CELF4: variants seen among roughly 807,000 people sequenced by gnomAD.
CELF4 encodes CUG-BP- and ETR-3-like factor 4.
Under a neutral mutation model 59.9 loss-of-function variants are expected in CELF4, and 18 were observed. The ratio of observed to expected loss-of-function variants is 0.30; its 90% CI spans 0.21 to 0.45. The LOEUF (loss-of-function observed/expected upper bound fraction) is 0.45, where lower values mean the gene tolerates loss of function less well. Among genes scored for constraint, CELF4 ranks in the 20% least tolerant of loss-of-function variants. The pLI is 1.00. For synonymous variants in CELF4, 261 were observed against 267.1 expected, an observed-to-expected ratio of 0.98 and a Z score of 0.22; for missense variants, 456 against 689.0, an observed-to-expected ratio of 0.66 and a Z score of 3.79.
chr18:37,531,705 T>C lies in CELF4; in HGVS notation c.286+33651A>G, dbSNP rs185608122. ...GTTTGGGAATGGAGGATTTCCATCATGGAAGTGGCACCGTCCTGTGCTAGG... is the reference window on the plus strand; with the variant it reads ...GTTTGGGAATGGAGGATTTCCATCACGGAAGTGGCACCGTCCTGTGCTAGG... On this transcript the variant is annotated intron_variant, in intron 1 of 12. Transcript: ENST00000420428. Among the ~76,000 whole-genome samples, 277 of 152,310 alleles carry C rather than the reference T, an allele frequency of 1.8e-3. 1 individual carries two copies. The highest frequency in any genetic ancestry group is 6.8e-3 in the Middle Eastern group (2 of 294).
intron 3 of CELF4, among the ~76,000 whole-genome samples, chr18:37,300,663 G>C (rs141006080): frequency 6.6e-6 from 1 of 152,240 alleles, no homozygotes; most frequent in Non-Finnish European, 1.5e-5. Flanking sequence ...CTGTCTGCAC[G>C]GAGCTCATCT....
At chr18:37,455,340 G>A (rs535031666) in intron 2 of CELF4, among the ~76,000 whole-genome samples, 1 of 152,322 alleles carries the variant, frequency 6.6e-6, no homozygotes, top group South Asian at 2.1e-4. Context: ...TGCTCAGAGG[G>A]TTCTTGTGAG....
intron 1 of CELF4, among the ~76,000 whole-genome samples, chr18:37,523,069 G>C (rs567788315): frequency 6.6e-6 from 1 of 152,296 alleles, no homozygotes; most frequent in South Asian, 2.1e-4. Flanking sequence ...AGGGGGGCGG[G>C]TAGGCATGGC....
At chr18:37,487,566 C>T (rs7238538) in intron 1 of CELF4, among the ~76,000 whole-genome samples, 12,410 of 152,206 alleles carry the variant, frequency 0.082, 537 homozygotes, top group East Asian at 0.12. Context: ...AAATGAATAG[C>T]GGTCAGAGGC....
Position 37,533,520 on chromosome 18 carries a change from C to A in CELF4, c.286+31836G>T, listed in dbSNP as rs138233919. On this transcript the variant is annotated intron_variant, in intron 1 of 12. Coordinates refer to ENST00000420428, the MANE Select transcript of CELF4 (RefSeq NM_020180.4). ...GGCTTAAGAACATGGCCATGTGGAG[C>A]CCCCAAGCTCATAAAGCAGATGAAT... Among the ~76,000 whole-genome samples the A allele has an allele frequency of 5.5e-4, 83 of 152,232 alleles. 1 individual carries two copies. The highest frequency in any genetic ancestry group is 1.1e-3 in the Non-Finnish European group (73 of 68,016).
chr18:37,507,939 C>G (rs2099939996), intron 1 of CELF4, among the ~76,000 whole-genome samples: 1 of 152,162 alleles, frequency 6.6e-6, no homozygotes, highest in Admixed American at 6.5e-5. Context: ...TACATTCCTC[C>G]CCCTTCATCC....
intron 2 of CELF4, among the ~76,000 whole-genome samples, chr18:37,450,735 C>T (rs2099761175): frequency 2.0e-5 from 3 of 152,136 alleles, no homozygotes; most frequent in African/African-American, 7.2e-5. Flanking sequence ...CCTTCCCCTC[C>T]CCCATGGTGC....
At chr18:37,299,388 A>C (rs904500077) in intron 3 of CELF4, among the ~76,000 whole-genome samples, 1 of 152,186 alleles carries the variant, frequency 6.6e-6, no homozygotes, top group African/African-American at 2.4e-5. Flanking sequence ...GCCAGGGCCC[A>C]GTCACCTCTG....
chr18:37,556,644 T>C (rs1022676933), intron 1 of CELF4, among the ~76,000 whole-genome samples: 1 of 152,154 alleles, frequency 6.6e-6, no homozygotes, highest in African/African-American at 2.4e-5. Flanking sequence ...ATCAGCTTGG[T>C]CTACAGTGAG....
chr18:37,402,122 C>CT (rs903733601), intron 2 of CELF4, among the ~76,000 whole-genome samples: 5 of 152,200 alleles, frequency 3.3e-5, no homozygotes, highest in Non-Finnish European at 7.3e-5. Flanking sequence ...GGCTTCCTTC[C>CT]TTTTTTATTT....
intron 1 of CELF4, among the ~76,000 whole-genome samples, chr18:37,506,914 G>A (rs1256086967): frequency 6.6e-6 from 1 of 152,190 alleles, no homozygotes; most frequent in Non-Finnish European, 1.5e-5. Flanking sequence ...GGAGCTGGAA[G>A]GGGGTCAGGC....
chr18:37,296,097 C>T (rs2095623989), intron 3 of CELF4, among the ~76,000 whole-genome samples: 1 of 152,218 alleles, frequency 6.6e-6, no homozygotes, highest in Non-Finnish European at 1.5e-5. Context: ...AGTGACTTGG[C>T]ACACCCATAG....
intron 2 of CELF4, among the ~76,000 whole-genome samples, chr18:37,324,371 G>A (rs2097224905): frequency 6.6e-6 from 1 of 152,198 alleles, no homozygotes; most frequent in African/African-American, 2.4e-5. Flanking sequence ...CTCACAAGAA[G>A]AGGAAGAGAC....
At chr18:37,248,860 C>G (rs1041925914) in intron 12 of CELF4, among the ~76,000 whole-genome samples, 9 of 151,226 alleles carry the variant, frequency 6.0e-5, no homozygotes, top group Non-Finnish European at 1.2e-4. Context: ...AGGCCTGGGC[C>G]AAGGCCTGTG....
At chr18:37,276,070 C>A (rs527330245) in intron 3 of CELF4, 2 of 152,246 alleles carry the variant, frequency 1.3e-5, no homozygotes, top group Non-Finnish European at 2.9e-5. Flanking sequence ...CATCTGGATG[C>A]GCCCTCCTCG....
intron 3 of CELF4, among the ~76,000 whole-genome samples, chr18:37,299,489 A>C (rs2095865676): frequency 6.6e-6 from 1 of 151,978 alleles, no homozygotes; most frequent in Non-Finnish European, 1.5e-5. Context: ...GGCCACGTGG[A>C]ACCCTCCCAC....
rs1392059556 is a variant in CELF4 at position 37,532,635 on chromosome 18, A to T, written c.286+32721T>A. ...GTTCTGGAAGACAAAGTAGAAAATT[A>T]AAAAAAAAAAAGGTCAGGTGACATG... is the stretch of plus-strand genomic sequence containing the variant. On this transcript the variant is annotated intron_variant, in intron 1 of 12. Transcript: ENST00000420428. Among the ~76,000 whole-genome samples, 14 of 145,022 alleles carry T rather than the reference A, an allele frequency of 9.7e-5. No homozygotes were observed. The East Asian group carries it at 1.6e-3, about 16-fold the overall frequency.
intron 2 of CELF4, among the ~76,000 whole-genome samples, chr18:37,335,482 AGTGTGTGT>A (rs55853220): frequency 1.4e-5 from 2 of 144,200 alleles, no homozygotes; most frequent in African/African-American, 2.5e-5. Flanking sequence ...CAGTGCATGC[AGTGTGTGT>A]GTGTGTGTGT....
At chr18:37,338,574 C>T (rs552391254) in intron 2 of CELF4, among the ~76,000 whole-genome samples, 21 of 152,244 alleles carry the variant, frequency 1.4e-4, no homozygotes, top group African/African-American at 4.6e-4. Context: ...CTTCTAGGGG[C>T]CCCTCACACC....
Sources: allele counts gnomAD v4.1 joint callset (sites outside exome capture counted in the v4.1 genomes callset), GRCh38; gene constraint gnomAD v4.1.1; transcripts MANE v1.5; gene names NCBI Gene and HGNC (gene_info 2026-07-23, HGNC 2026-07-21).